Variants in BTBD9 observed in about 807,000 individuals in gnomAD.
BTBD9 encodes the protein BTB/POZ domain-containing protein 9.
Under a neutral mutation model 64.3 loss-of-function variants are expected in BTBD9, and 49 were observed. The observed-to-expected ratio is 0.76, with a 90% CI of 0.61 to 0.97. The LOEUF is 0.97. Among genes scored for constraint, BTBD9 ranks in the 50% least tolerant of loss-of-function variants. The probability of loss-of-function intolerance (pLI) is 0.00; values close to 1 mark genes in which losing one functional copy is unlikely to be tolerated. For missense variants in BTBD9, 598 were observed against 762.1 expected (o/e 0.78, Z 2.53); for synonymous variants, 260 against 274.7 (o/e 0.95, Z 0.53).
intron 10 of BTBD9, among the ~76,000 whole-genome samples, chr6:38,177,573 C>T (rs1761331275): frequency 6.6e-6 from 1 of 152,254 alleles, no homozygotes; most frequent in South Asian, 2.1e-4. Context: ...TTGCTCTTCA[C>T]AGCCGGCCTC....
chr6:38,631,068 T>C (rs1778343248), intron 1 of BTBD9, among the ~76,000 whole-genome samples: 1 of 152,198 alleles, frequency 6.6e-6, no homozygotes, highest in African/African-American at 2.4e-5. Flanking sequence ...ATGAATACAA[T>C]TGTATAAGAA....
chr6:38,371,430 G>A (rs1765422125), intron 6 of BTBD9, among the ~76,000 whole-genome samples: 1 of 152,182 alleles, frequency 6.6e-6, no homozygotes, highest in Non-Finnish European at 1.5e-5. Context: ...CTGGCTGGGA[G>A]GACTAGGGTA....
chr6:38,578,458 T>C (rs1488589949), intron 5 of BTBD9, among the ~76,000 whole-genome samples: 3 of 152,138 alleles, frequency 2.0e-5, no homozygotes, highest in East Asian at 1.9e-4. Context: ...AAATTTAAAT[T>C]TGAGATGCAG....
chr6:38,610,350 G>A (rs184276857), intron 1 of BTBD9, among the ~76,000 whole-genome samples: 4 of 152,236 alleles, frequency 2.6e-5, no homozygotes, highest in East Asian at 1.9e-4. Flanking sequence ...ACCCATACGC[G>A]CTGTGGATAA....
chr6:38,503,529 C>CA (rs1257354187), intron 6 of BTBD9, among the ~76,000 whole-genome samples: 1 of 152,116 alleles, frequency 6.6e-6, no homozygotes, highest in East Asian at 1.9e-4. Flanking sequence ...ATCCCAGAGC[C>CA]AGGAGATAGA....
rs528373571 is a variant in BTBD9 at position 38,508,264 on chromosome 6, C to CT, written c.1154+69335dup. 7.9e-5 allele frequency among the ~76,000 whole-genome samples: 12 copies of CT among 152,148 alleles called. 1 individual carries two copies. The East Asian group carries it at 2.3e-3, about 29-fold the overall frequency. ...AATATATTTAAAGTGACTTTATCAC[C>CT]TTCCTCTGTCAAATTTGCCTTTTCT... On this transcript the variant is annotated intron_variant, in intron 6 of 10. Transcript: ENST00000481247.
chr6:38,296,560 A>C (rs1762163802), intron 7 of BTBD9, among the ~76,000 whole-genome samples: 1 of 152,138 alleles, frequency 6.6e-6, no homozygotes, highest in Non-Finnish European at 1.5e-5. Flanking sequence ...TTTTCTAAAA[A>C]AATGTATTTA....
intron 6 of BTBD9, among the ~76,000 whole-genome samples, chr6:38,559,969 A>C (rs60289806): frequency 0.19 from 29,172 of 152,170 alleles, 2,848 homozygotes; most frequent in Middle Eastern, 0.25. Flanking sequence ...TCAAACTATA[A>C]AAATCATAAA....
chr6:38,556,904 T>C (rs1298634503), intron 6 of BTBD9, among the ~76,000 whole-genome samples: 1 of 149,684 alleles, frequency 6.7e-6, no homozygotes, highest in Non-Finnish European at 1.5e-5. Flanking sequence ...TTCCAGCTAC[T>C]TGGGAGGCTG....
At chr6:38,284,534 C>A (rs1226650238) in intron 8 of BTBD9, among the ~76,000 whole-genome samples, 1 of 152,164 alleles carries the variant, frequency 6.6e-6, no homozygotes. Flanking sequence ...ATTAAAGATT[C>A]TAGGTTTCCT....
chr6:38,316,659 AGTT>A (rs899332828), intron 7 of BTBD9, among the ~76,000 whole-genome samples: 7 of 152,148 alleles, frequency 4.6e-5, no homozygotes, highest in Non-Finnish European at 7.4e-5. Context: ...TGTCTTCAAA[AGTT>A]GTTGTAGTTA....
At chr6:38,410,806 T>C (rs1267976034) in intron 6 of BTBD9, among the ~76,000 whole-genome samples, 1 of 152,106 alleles carries the variant, frequency 6.6e-6, no homozygotes, top group East Asian at 1.9e-4. Context: ...GGTGGGAGGA[T>C]CACTTGAGCC....
chr6:38,606,287 C>T (rs965435892), intron 1 of BTBD9, among the ~76,000 whole-genome samples: 2 of 152,082 alleles, frequency 1.3e-5, no homozygotes, highest in Non-Finnish European at 2.9e-5. Context: ...TAATAAACTC[C>T]CCTTCATATA....
At chr6:38,204,111 ATACTGCTTGTGGGAATG>A (rs1201943544) in intron 9 of BTBD9, among the ~76,000 whole-genome samples, 4 of 152,204 alleles carry the variant, frequency 2.6e-5, no homozygotes, top group African/African-American at 9.6e-5. Flanking sequence ...GAACCCCTAT[ATACTGCTTGTGGGAATG>A]TTCAAAGGTG....
At chr6:38,504,648 C>G (rs897897358) in intron 6 of BTBD9, 4 of 453,356 alleles carry the variant, frequency 8.8e-6, no homozygotes, top group Non-Finnish European at 1.8e-5. Context: ...ACCTATCTTT[C>G]AACCCAGGAA....
intron 9 of BTBD9, among the ~76,000 whole-genome samples, chr6:38,206,818 C>G (rs1158440972): frequency 6.6e-6 from 1 of 151,574 alleles, no homozygotes; most frequent in Admixed American, 6.6e-5. Flanking sequence ...AGAATAAGCA[C>G]ATAGTTTAGA....
intron 10 of BTBD9, among the ~76,000 whole-genome samples, chr6:38,177,672 T>C (rs1366397158): frequency 6.6e-6 from 1 of 152,232 alleles, no homozygotes; most frequent in African/African-American, 2.4e-5. Context: ...GAGCACGTGA[T>C]AGACATTCCA....
At chr6:38,338,546 G>A (rs1763986261) in intron 7 of BTBD9, among the ~76,000 whole-genome samples, 2 of 152,092 alleles carry the variant, frequency 1.3e-5, no homozygotes, top group South Asian at 4.1e-4. Flanking sequence ...TTCTTTGAAA[G>A]GGTTAAAGAA....
chr6:38,610,122 C>T (rs958004983), intron 1 of BTBD9, among the ~76,000 whole-genome samples: 1 of 152,118 alleles, frequency 6.6e-6, no homozygotes, highest in Non-Finnish European at 1.5e-5. Context: ...GTTGAAATGG[C>T]ATCACATTAT....
Sources: gnomAD v4.1 joint callset for allele counts (sites outside exome capture counted in the v4.1 genomes callset) on GRCh38, gnomAD v4.1.1 for gene constraint, MANE v1.5 for transcripts, NCBI Gene and HGNC (gene_info 2026-07-23, HGNC 2026-07-21) for gene names.